IGFN1: variants seen among roughly 807,000 people sequenced by gnomAD.
The protein encoded by IGFN1 is immunoglobulin-like and fibronectin type III domain-containing protein 1.
Under a neutral mutation model 289.5 loss-of-function variants are expected in IGFN1, and 253 were observed. The observed-to-expected ratio is 0.87, with a 90% CI of 0.79 to 0.97. The LOEUF is 0.97. Ranked by LOEUF, IGFN1 falls within the 50% of genes least tolerant of loss-of-function variation. The pLI is 0.00. For synonymous variants in IGFN1, 1,706 were observed against 1,788.5 expected (o/e 0.95, Z 1.16); for missense variants, 4,470 against 4,686.1 (o/e 0.95, Z 1.35).
intron 18 of IGFN1, among the ~76,000 whole-genome samples, chr1:201,220,033 CCT>C (rs1299517657): frequency 6.7e-6 from 1 of 148,520 alleles, no homozygotes; most frequent in African/African-American, 2.5e-5. Flanking sequence ...TTCCTCCCTC[CCT>C]GTCTTCTTTC....
In IGFN1 at chr1:201,211,548, G is replaced by A. The variant is rs1218111825; in HGVS notation, c.6655G>A (p.Gly2219Arg). The change falls in exon 12 of 24, where the codon GGG (glycine) becomes AGG (arginine). Residue 2219 changes from glycine to arginine, a missense_variant. By Grantham distance (125) the Gly-to-Arg change is moderately radical. This residue lies in a region of IGFN1 where 2,218 missense variants were observed against 2,114.1 expected (regional missense o/e 1.05). Transcript: ENST00000335211. ...VNKAGYRKDLGAPKGMGSGSK... is the reference protein window; with the variant it reads ...VNKAGYRKDLRAPKGMGSGSK... ...TAAGGCAGGTTATAGGAAGGATTTGGGGGCTCCTAAGGGAATGGGTTCAGG... is the reference window on the plus strand; with the variant it reads ...TAAGGCAGGTTATAGGAAGGATTTGAGGGCTCCTAAGGGAATGGGTTCAGG... The A allele has an allele frequency of 2.2e-5, 33 of 1,522,392 alleles. No individual in the cohort carries two copies. The highest frequency in any genetic ancestry group is 1.7e-4 in the Middle Eastern group (1 of 5,962). 94.3% of individuals were successfully genotyped at this position (1,522,392 alleles called of 1,614,324 possible).
chr1:201,206,837 G>T lies in IGFN1; in HGVS notation c.1944G>T (p.Arg648Ser). ...MDRGDAPSRERGRGIVVWGGG... is the reference protein window; with the variant it reads ...MDRGDAPSRESGRGIVVWGGG... ...GAGGGGATGCTCCAAGTAGGGAAAG[G>T]GGGAGAGGAATAGTAGTGTGGGGTG... The change falls in exon 12 of 24, where the codon AGG becomes AGT. Residue 648 changes from arginine (R) to serine (S), a missense_variant. Physicochemically the swap from Arg to Ser is moderately radical, Grantham distance 110. This residue lies in a region of IGFN1 where 2,011 missense variants were observed against 1,953.4 expected (regional missense o/e 1.03). Transcript: ENST00000335211. The T allele has an allele frequency of 6.5e-7, 1 of 1,536,924 alleles. No individual in the cohort carries two copies. The highest frequency in any genetic ancestry group is 1.2e-5 in the South Asian group (1 of 84,052).
chr1:201,207,235 C>T lies in IGFN1; in HGVS notation c.2342C>T (p.Pro781Leu), dbSNP rs1360306706. Reference protein sequence around the residue: ...YKTGPGGPGDPRGCEGVLQEL... With the variant: ...YKTGPGGPGDLRGCEGVLQEL... Reference sequence around the variant, plus strand: ...ACTGGCCCTGGAGGCCCAGGAGACCCCAGAGGCTGCGAAGGTGTCCTACAG... The same window carrying T: ...ACTGGCCCTGGAGGCCCAGGAGACCTCAGAGGCTGCGAAGGTGTCCTACAG... The change falls in exon 12 of 24, where the codon CCC (proline) becomes CTC (leucine). Residue 781 changes from proline (P) to leucine (L), a missense_variant. Transcript: ENST00000335211. 1.6e-5 allele frequency: 25 copies of T among 1,536,576 alleles called. No homozygotes were observed. The highest frequency in any genetic ancestry group is 2.1e-5 in the Non-Finnish European group (24 of 1,146,870).
chr1:201,214,371 C>G (rs941954308), intron 13 of IGFN1, 70 bp downstream of exon 13: 1 of 1,458,180 alleles, frequency 6.9e-7, no homozygotes, highest in Non-Finnish European at 9.3e-7. Context: ...GGGGCAAGAG[C>G]GTAGAGGCTT....
At position 201,216,477 on chromosome 1, in the gene IGFN1, C is replaced by A. The variant is rs1252352695; in HGVS notation, c.9319C>A (p.Pro3107Thr). The stretch of plus-strand genomic sequence containing the variant: ...AGACAAGCCTGATCCCCCACAAGGC[C>A]CCATGGAGGTTCAGGATTGCCATAG... ...VIDKPDPPQG[P>T]MEVQDCHRAG... Residue 3107 changes from proline (P) to threonine (T), a missense_variant, in exon 16 of 24, where the codon CCC becomes ACC. Pro to Thr is a conservative substitution (Grantham distance 38). Coordinates refer to ENST00000335211, the MANE Select transcript of IGFN1 (RefSeq NM_001164586.2). 1.3e-6 allele frequency: 2 copies of A among 1,589,712 alleles called. No homozygotes were observed. The highest frequency in any genetic ancestry group is 4.5e-5 in the East Asian group (2 of 44,566).
At chr1:201,215,264 T>C in intron 14 of IGFN1, 110 bp downstream of exon 14, 1 of 1,181,318 alleles carries the variant, frequency 8.5e-7, no homozygotes, top group African/African-American at 1.5e-5. Context: ...CTGCAGCCAG[T>C]ATCTAATCTC....
intron 16 of IGFN1, 63 bp downstream of exon 16, chr1:201,216,816 G>A (rs775130433): frequency 1.9e-5 from 27 of 1,407,484 alleles, no homozygotes; most frequent in Non-Finnish European, 2.4e-5. Context: ...GTGCCGAGGA[G>A]GGCAGGCTGT....
At chr1:201,197,708 C>T (rs1250119340) in intron 5 of IGFN1, among the ~76,000 whole-genome samples, 2 of 152,178 alleles carry the variant, frequency 1.3e-5, no homozygotes, top group African/African-American at 4.8e-5. Context: ...ACAGGTCACA[C>T]AAAGGCCAAA....
rs1430981408 is a variant in IGFN1, at chr1:201,207,227, A to G, written c.2334A>G (p.Pro778=). The change falls in exon 12 of 24, where the codon CCA becomes CCG. Residue 778 remains proline, a synonymous_variant. Coordinates refer to ENST00000335211, the MANE Select transcript of IGFN1 (RefSeq NM_001164586.2). ...GSAYKTGPGG[P]GDPRGCEGVL... is the part of the protein sequence containing the mutation. Reference sequence around the variant, plus strand: ...CCTACAAAACTGGCCCTGGAGGCCCAGGAGACCCCAGAGGCTGCGAAGGTG... The same window carrying G: ...CCTACAAAACTGGCCCTGGAGGCCCGGGAGACCCCAGAGGCTGCGAAGGTG... 2.0e-6 allele frequency: 3 copies of G among 1,536,794 alleles called. No homozygotes were observed. Among genetic ancestry groups the G allele is most frequent in the Non-Finnish European group, 2.6e-6 (3 of 1,146,870 alleles).
chr1:201,194,396 C>A, intron 3 of IGFN1, 123 bp downstream of exon 3: 1 of 1,035,330 alleles, frequency 9.7e-7, no homozygotes, highest in Non-Finnish European at 1.4e-6. Context: ...TAGGCCATAG[C>A]CCATCTCCCT....
In IGFN1 at chr1:201,207,434, C is replaced by T; in HGVS notation, c.2541C>T (p.Leu847=). 6.5e-7 allele frequency: 1 copy of T among 1,528,296 alleles called. No individual in the cohort carries two copies. The highest frequency in any genetic ancestry group is 8.8e-7 in the Non-Finnish European group (1 of 1,142,826). 94.7% of individuals were successfully genotyped at this position (1,528,296 alleles called of 1,614,324 possible). ...TSPWDDTPSS[L]RKTGAHHGPG... ...CTTGGGATGACACACCATCTAGCCT[C>T]AGAAAAACTGGGGCCCACCATGGGC... Residue 847 remains leucine, a synonymous_variant, in exon 12 of 24, where the codon CTC becomes CTT. Transcript: ENST00000335211.
intron 20 of IGFN1, 102 bp from the exon 21 acceptor site, chr1:201,224,577 G>C (rs1653956230): frequency 1.1e-6 from 1 of 896,018 alleles, no homozygotes; most frequent in African/African-American, 1.7e-5. Flanking sequence ...CCTTGTAGAA[G>C]ACTCTTCTCA....
chr1:201,225,337 A>G (rs1170123211), intron 21 of IGFN1, among the ~76,000 whole-genome samples: 1 of 152,222 alleles, frequency 6.6e-6, no homozygotes, highest in Non-Finnish European at 1.5e-5. Flanking sequence ...ATGCAGCTTC[A>G]TGAGAGCCCT....
chr1:201,214,013 C>G (rs1667968234), intron 12 of IGFN1, among the ~76,000 whole-genome samples, 164 bp from the exon 13 acceptor site: 2 of 152,220 alleles, frequency 1.3e-5, no homozygotes, highest in Non-Finnish European at 2.9e-5. Context: ...GGGCTCCTGT[C>G]TGGGAAGACC....
chr1:201,206,840 G>A lies in IGFN1; in HGVS notation c.1947G>A (p.Gly649=). ...GGGATGCTCCAAGTAGGGAAAGGGG[G>A]AGAGGAATAGTAGTGTGGGGTGGTG... is the stretch of plus-strand genomic sequence containing the variant. ...DRGDAPSRER[G]RGIVVWGGGT... Residue 649 remains glycine (G), a synonymous_variant, in exon 12 of 24, where the codon GGG becomes GGA. Transcript: ENST00000335211. 1 of 1,536,944 alleles carries A rather than the reference G, an allele frequency of 6.5e-7. No homozygotes were observed. The highest frequency in any genetic ancestry group is 1.2e-5 in the South Asian group (1 of 84,046).
rs1243362972 is a variant in IGFN1, at chr1:201,199,620, G to GAGCTGATGGACTTCCGGAAGT, written c.425_445dup (p.Lys148_Leu149insTer). 8.6e-5 allele frequency: 133 copies of GAGCTGATGGACTTCCGGAAGT among 1,551,484 alleles called. No individual in the cohort carries two copies. Among genetic ancestry groups the GAGCTGATGGACTTCCGGAAGT allele is most frequent in the Non-Finnish European group, 1.1e-4 (129 of 1,146,948 alleles). On this transcript the variant is annotated stop_gained and inframe_insertion, in exon 7 of 24. Coordinates refer to ENST00000335211, the MANE Select transcript of IGFN1 (RefSeq NM_001164586.2). LOFTEE classifies it high-confidence loss of function. ...TGCTCCTTTTTCAGACCTCAGGAAG[G>GAGCTGATGGACTTCCGGAAGT]AGCTGATGGACTTCCGGAAGTTGCT...
intron 18 of IGFN1, among the ~76,000 whole-genome samples, chr1:201,220,082 T>TTTTC (rs1206971221): frequency 2.0e-5 from 3 of 149,738 alleles, no homozygotes; most frequent in Non-Finnish European, 4.5e-5. Context: ...TTCTTTCTCT[T>TTTTC]TTTCTTTCTT....
In IGFN1 at chr1:201,208,042, C is replaced by T. The variant is rs1422380111; in HGVS notation, c.3149C>T (p.Pro1050Leu). The T allele has an allele frequency of 6.5e-7, 1 of 1,536,804 alleles. No individual in the cohort carries two copies. The highest frequency in any genetic ancestry group is 1.2e-5 in the South Asian group (1 of 84,052). ...GGCTCAGGTGGTCCTGATGGAGCAC[C>T]CATGAATGACACCAGGAATTGGGCC... ...KNGSGGPDGA[P>L]MNDTRNWASA... is the part of the protein sequence containing the mutation. Residue 1050 changes from proline (P) to leucine (L), a missense_variant, in exon 12 of 24, where the codon CCC becomes CTC. Around this residue, in one of 8 missense-constraint regions of IGFN1, gnomAD observed 2,011 missense variants for 1,953.4 expected, o/e 1.03. Transcript: ENST00000335211.
chr1:201,226,052 T>C lies in IGFN1; in HGVS notation c.10715T>C (p.Val3572Ala). The C allele has an allele frequency of 2.5e-6, 4 of 1,600,510 alleles. No homozygotes were observed. The highest frequency in any genetic ancestry group is 2.6e-6 in the Non-Finnish European group (3 of 1,171,420). The change falls in exon 22 of 24, where the codon GTG (valine) becomes GCG (alanine). Residue 3572 changes from valine to alanine, a missense_variant. Val to Ala is a moderately conservative substitution (Grantham distance 64). Transcript: ENST00000335211. The part of the protein sequence containing the change: ...LPGHEYHFRV[V>A]AKNELGASKP... ...GGCCACGAATACCACTTCAGGGTGG[T>C]GGCCAAGAATGAGCTGGGGGCCAGC...
Sources: gnomAD v4.1 joint callset for allele counts (sites outside exome capture counted in the v4.1 genomes callset) on GRCh38, gnomAD v4.1.1 for gene constraint, gnomAD v4.1.1 regional missense constraint, MANE v1.5 for transcripts, NCBI Gene and HGNC (gene_info 2026-07-23, HGNC 2026-07-21) for gene names.